FTO: variants seen among roughly 807,000 people sequenced by gnomAD.
FTO encodes the protein FTO alpha-ketoglutarate dependent dioxygenase, also known as alpha-ketoglutarate-dependent dioxygenase FTO.
FTO carries 47 observed loss-of-function variants against 63.9 expected under a neutral mutation model. The ratio of observed to expected loss-of-function variants is 0.74; its 90% CI spans 0.58 to 0.94. The LOEUF (loss-of-function observed/expected upper bound fraction) is 0.94. FTO is among the 40% of genes least tolerant of loss of function. FTO has a pLI of 0.00. For missense variants in FTO, 562 were observed against 618.1 expected (o/e 0.91, Z 0.96); for synonymous variants, 207 against 224.4 (o/e 0.92, Z 0.69).
At chr16:53,720,702 G>GT in intron 1 of FTO, among the ~76,000 whole-genome samples, 1 of 147,854 alleles carries the variant, frequency 6.8e-6, no homozygotes, top group Middle Eastern at 3.6e-3. Flanking sequence ...GTCTTCCGAA[G>GT]TATCTAGCAC....
At chr16:54,001,593 T>C (rs2084067864) in intron 8 of FTO, among the ~76,000 whole-genome samples, 1 of 152,192 alleles carries the variant, frequency 6.6e-6, no homozygotes, top group Admixed American at 6.5e-5. Flanking sequence ...TTTAAGTGGT[T>C]TGTGAGTATA....
At chr16:54,081,434 C>T (rs535971741) in intron 8 of FTO, among the ~76,000 whole-genome samples, 3 of 152,264 alleles carry the variant, frequency 2.0e-5, no homozygotes, top group African/African-American at 4.8e-5. Context: ...GATATGAAAT[C>T]CAGCCTGACA....
chr16:53,754,495 GGGCA>G (rs2076873368), intron 1 of FTO, among the ~76,000 whole-genome samples: 2 of 152,160 alleles, frequency 1.3e-5, no homozygotes, highest in Admixed American at 6.5e-5. Flanking sequence ...AAAATTGGCC[GGGCA>G]CGGTGGCGGA....
chr16:53,961,318 A>G (rs1037525675), intron 8 of FTO, among the ~76,000 whole-genome samples: 1 of 152,184 alleles, frequency 6.6e-6, no homozygotes. Context: ...TAGCCAGCAG[A>G]CATTCCTGAC....
chr16:54,016,314 A>T (rs1599211177), intron 8 of FTO, among the ~76,000 whole-genome samples: 1 of 151,956 alleles, frequency 6.6e-6, no homozygotes, highest in African/African-American at 2.4e-5. Context: ...AAAAAAAAAA[A>T]ACTGGAAGAC....
intron 1 of FTO, among the ~76,000 whole-genome samples, chr16:53,759,224 A>G (rs1485211684): frequency 1.3e-5 from 2 of 152,238 alleles, no homozygotes; most frequent in Admixed American, 1.3e-4. Flanking sequence ...TAAATTTTCA[A>G]CAGAAGTATT....
intron 8 of FTO, among the ~76,000 whole-genome samples, chr16:54,097,769 A>G (rs1071501): frequency 0.25 from 38,010 of 152,124 alleles, 5,853 homozygotes; most frequent in African/African-American, 0.43. Context: ...CACAAATGGC[A>G]TCAAGTGCTA....
intron 7 of FTO, among the ~76,000 whole-genome samples, chr16:53,896,086 A>G (rs905956857): frequency 6.6e-6 from 1 of 152,190 alleles, no homozygotes; most frequent in African/African-American, 2.4e-5. Flanking sequence ...AGTTTTAACC[A>G]CCCTGAAATT....
chr16:53,934,906 A>T (rs1344207462), intron 8 of FTO, among the ~76,000 whole-genome samples: 1 of 151,980 alleles, frequency 6.6e-6, no homozygotes, highest in Non-Finnish European at 1.5e-5. Context: ...ACTAGGAATG[A>T]CTCTTGTTTC....
At chr16:53,830,189 G>A (rs1448112546) in intron 3 of FTO, among the ~76,000 whole-genome samples, 1 of 152,162 alleles carries the variant, frequency 6.6e-6, no homozygotes, top group Non-Finnish European at 1.5e-5. Context: ...TAAATTCATT[G>A]GCTTTCACAT....
intron 1 of FTO, among the ~76,000 whole-genome samples, chr16:53,749,977 A>G (rs2076745572): frequency 6.6e-6 from 1 of 152,222 alleles, no homozygotes; most frequent in African/African-American, 2.4e-5. Context: ...AGGGGCAGAA[A>G]GAGAGTTTGT....
intron 7 of FTO, among the ~76,000 whole-genome samples, chr16:53,922,449 C>T (rs1428014418): frequency 1.3e-5 from 2 of 152,086 alleles, no homozygotes; most frequent in African/African-American, 4.8e-5. Flanking sequence ...AGGATAATTT[C>T]AACACCTAAA....
chr16:54,069,552 T>C (rs1418699909), intron 8 of FTO, among the ~76,000 whole-genome samples: 1 of 152,224 alleles, frequency 6.6e-6, no homozygotes, highest in African/African-American at 2.4e-5. Context: ...ATCTGAGCAG[T>C]AGAATTGCAG....
intron 1 of FTO, among the ~76,000 whole-genome samples, chr16:53,798,252 T>A (rs989937021): frequency 1.3e-5 from 2 of 152,174 alleles, no homozygotes; most frequent in African/African-American, 4.8e-5. Flanking sequence ...CCTTCAACTT[T>A]ATTTTACTTT....
chr16:53,974,879 T>G (rs2083400930), intron 8 of FTO, among the ~76,000 whole-genome samples: 1 of 152,202 alleles, frequency 6.6e-6, no homozygotes, highest in South Asian at 2.1e-4. Flanking sequence ...ATGTCAAAGT[T>G]GCTTATTTCT....
chr16:53,791,304 T>G (rs1201237381), intron 1 of FTO, among the ~76,000 whole-genome samples: 2 of 152,218 alleles, frequency 1.3e-5, no homozygotes, highest in Non-Finnish European at 2.9e-5. Flanking sequence ...AGTAACTTGC[T>G]CAAGGTCACA....
intron 1 of FTO, among the ~76,000 whole-genome samples, chr16:53,806,714 G>T (rs2078379359): frequency 6.6e-6 from 1 of 152,138 alleles, no homozygotes; most frequent in Non-Finnish European, 1.5e-5. Context: ...CAGTTCAGTG[G>T]TTTTTAGTGT....
intron 8 of FTO, among the ~76,000 whole-genome samples, chr16:54,046,931 C>T (rs2085182941): frequency 1.1e-5 from 1 of 89,226 alleles, no homozygotes; most frequent in Non-Finnish European, 2.2e-5. Flanking sequence ...AAACTGGATC[C>T]CTTCCTTACA....
chr16:53,946,774 C>A (rs1032374685), intron 8 of FTO, among the ~76,000 whole-genome samples: 54 of 152,156 alleles, frequency 3.5e-4, no homozygotes, highest in Non-Finnish European at 6.5e-4. Flanking sequence ...AAACCTCCAC[C>A]CCTCTGCCCA....
Sources: gnomAD v4.1 joint callset for allele counts (sites outside exome capture counted in the v4.1 genomes callset) on GRCh38, gnomAD v4.1.1 for gene constraint, MANE v1.5 for transcripts, NCBI Gene and HGNC (gene_info 2026-07-23, HGNC 2026-07-21) for gene names.